Variants in SHQ1 observed in about 807,000 individuals in gnomAD.
SHQ1 encodes the protein protein SHQ1 homolog.
Under a neutral mutation model 53.8 loss-of-function variants are expected in SHQ1, and 49 were observed. That is an observed-to-expected ratio of 0.91 (90% CI 0.72 to 1.16). SHQ1 has a LOEUF of 1.16. Ranked by LOEUF, SHQ1 falls within the 50% of genes most tolerant of loss-of-function variation. The pLI is 0.00. For synonymous variants in SHQ1, 243 were observed against 251.0 expected (o/e 0.97, Z 0.30); for missense variants, 738 against 683.1 (o/e 1.08, Z -0.90).
chr3:72,727,008 A>G, the SHQ1 span, among the ~76,000 whole-genome samples: 2 of 152,204 alleles, frequency 1.3e-5, no homozygotes, highest in Non-Finnish European at 2.9e-5. Context: ...AACAGTCACA[A>G]TTTAGTGCTG....
chr3:72,788,159 C>G (rs1159970003), intron 10 of SHQ1, among the ~76,000 whole-genome samples: 1 of 152,046 alleles, frequency 6.6e-6, no homozygotes, highest in Non-Finnish European at 1.5e-5. Context: ...TGAGGAGCGT[C>G]TCTGCCTGGC....
chr3:72,812,908 G>A, intron 8 of SHQ1, 114 bp from the exon 9 acceptor site: 1 of 1,110,396 alleles, frequency 9.0e-7, no homozygotes, highest in Non-Finnish European at 1.3e-6. Context: ...GGATCATTGT[G>A]AAGCCAAGTA....
chr3:72,833,101 C>G (rs1247284918), intron 4 of SHQ1, among the ~76,000 whole-genome samples: 1 of 152,060 alleles, frequency 6.6e-6, no homozygotes, highest in African/African-American at 2.4e-5. Flanking sequence ...TGTTTGTGCT[C>G]AAAAAGTTTT....
At chr3:72,793,569 T>A (rs1169216391) in intron 9 of SHQ1, 1 of 151,402 alleles carries the variant, frequency 6.6e-6, no homozygotes, top group African/African-American at 2.4e-5. Flanking sequence ...AGCTGACTAG[T>A]TGTGGTTATC....
At chr3:72,813,743 A>G (rs1042939698) in intron 8 of SHQ1, among the ~76,000 whole-genome samples, 4 of 145,434 alleles carry the variant, frequency 2.8e-5, no homozygotes, top group Admixed American at 6.9e-5. Context: ...CCTAGGTGAC[A>G]GAGCGAGACA....
Position 72,751,529 on chromosome 3 carries a change from T to TATATATACACAC in SHQ1, c.1182-694_1182-693insGTGTGTATATAT, listed in dbSNP as rs1491584090. On this transcript the variant is annotated intron_variant, in intron 10 of 10. Transcript: ENST00000325599. Reference sequence around the variant, plus strand: ...GTGTGTATATATATATATATATATATACATATACATACACTAATAAAGCCT... The same window carrying TATATATACACAC: ...GTGTGTATATATATATATATATATATATATATACACACACATATACATACACTAATAAAGCCT... 3.3e-3 allele frequency among the ~76,000 whole-genome samples: 458 copies of TATATATACACAC among 137,998 alleles called. 10 individuals carry two copies. Among genetic ancestry groups the TATATATACACAC allele is most frequent in the African/African-American group, 0.013 (440 of 33,982 alleles). 90.5% of individuals were successfully genotyped at this position (137,998 alleles called of 152,430 possible). A position where few individuals can be genotyped will look rare whatever the true frequency, so the allele number is the denominator to read the frequency against.
the SHQ1 span, among the ~76,000 whole-genome samples, chr3:72,739,504 G>A: frequency 6.6e-6 from 1 of 152,192 alleles, no homozygotes; most frequent in Admixed American, 6.5e-5. Flanking sequence ...GATGGGGTTC[G>A]GAAGCCAAGG....
chr3:72,831,753 C>A (rs943931153), intron 5 of SHQ1, among the ~76,000 whole-genome samples: 1 of 152,248 alleles, frequency 6.6e-6, no homozygotes, highest in African/African-American at 2.4e-5. Flanking sequence ...ATGTACCTAT[C>A]TGTTAATTAG....
At chr3:72,825,849 G>A (rs986540077) in intron 5 of SHQ1, among the ~76,000 whole-genome samples, 1 of 152,130 alleles carries the variant, frequency 6.6e-6, no homozygotes, top group Non-Finnish European at 1.5e-5. Context: ...TTTCAACTGA[G>A]ATACTGAAAT....
intron 9 of SHQ1, among the ~76,000 whole-genome samples, chr3:72,808,269 T>G (rs544781526): frequency 2.7e-4 from 41 of 152,060 alleles, no homozygotes; most frequent in Admixed American, 3.9e-4. Context: ...TCCCACATAC[T>G]CATCACCCAG....
At chr3:72,780,845 C>T (rs1315283993) in intron 10 of SHQ1, among the ~76,000 whole-genome samples, 5 of 152,150 alleles carry the variant, frequency 3.3e-5, no homozygotes, top group Non-Finnish European at 7.3e-5. Flanking sequence ...AAAAGACAAA[C>T]ATGCCATGAT....
the SHQ1 span, among the ~76,000 whole-genome samples, chr3:72,741,587 AT>A: frequency 1.4e-3 from 214 of 150,812 alleles, 1 homozygote; most frequent in Non-Finnish European, 2.3e-3. Context: ...TCTGTCTCAA[AT>A]AAAAAAAAAA....
intron 9 of SHQ1, among the ~76,000 whole-genome samples, chr3:72,801,441 G>GA (rs1706784130): frequency 6.6e-6 from 1 of 151,900 alleles, no homozygotes; most frequent in Non-Finnish European, 1.5e-5. Flanking sequence ...ATTTCAAAAT[G>GA]AAAAAAACTA....
chr3:72,762,179 A>G (rs1705625916), intron 10 of SHQ1, among the ~76,000 whole-genome samples: 1 of 152,214 alleles, frequency 6.6e-6, no homozygotes, highest in African/African-American at 2.4e-5. Context: ...AGAAAAATAA[A>G]TGACTTAGAA....
At chr3:72,821,490 G>A (rs1282680754) in intron 6 of SHQ1, among the ~76,000 whole-genome samples, 1 of 152,190 alleles carries the variant, frequency 6.6e-6, no homozygotes, top group East Asian at 1.9e-4. Context: ...ACTCAGGGCT[G>A]TGATGAAAAC....
intron 7 of SHQ1, among the ~76,000 whole-genome samples, chr3:72,815,798 T>G (rs1707294311): frequency 6.6e-6 from 1 of 152,214 alleles, no homozygotes; most frequent in South Asian, 2.1e-4. Flanking sequence ...GTATTACCTG[T>G]GGCACTTAAG....
At chr3:72,767,652 T>G (rs139470188) in intron 10 of SHQ1, among the ~76,000 whole-genome samples, 14 of 152,300 alleles carry the variant, frequency 9.2e-5, no homozygotes, top group African/African-American at 3.4e-4. Flanking sequence ...TGGCAAAAAC[T>G]CTTCTATAAT....
At chr3:72,792,880 A>G in intron 10 of SHQ1, 36 bp downstream of exon 10, 1 of 1,598,990 alleles carries the variant, frequency 6.3e-7, no homozygotes. Flanking sequence ...CAATGTGAAC[A>G]TCTAAAAATT....
chr3:72,740,496 T>C, the SHQ1 span, among the ~76,000 whole-genome samples: 2 of 152,218 alleles, frequency 1.3e-5, no homozygotes, highest in Non-Finnish European at 2.9e-5. Flanking sequence ...ATTCTACTGC[T>C]GGACTTTACA....
Sources: allele counts gnomAD v4.1 joint callset (sites outside exome capture counted in the v4.1 genomes callset), GRCh38; gene constraint gnomAD v4.1.1; transcripts MANE v1.5; gene names NCBI Gene and HGNC (gene_info 2026-07-23, HGNC 2026-07-21).